Variants in ABCG1 observed in about 807,000 individuals in gnomAD.
ABCG1 encodes ATP binding cassette subfamily G member 1, also known as ATP-binding cassette sub-family G member 1.
A neutral mutation model predicts 69.2 loss-of-function variants in ABCG1; 29 were observed. The ratio of observed to expected loss-of-function variants is 0.42; its 90% CI spans 0.31 to 0.57. The LOEUF (loss-of-function observed/expected upper bound fraction) is 0.57. Among genes scored for constraint, ABCG1 ranks in the 20% least tolerant of loss-of-function variants. ABCG1 has a pLI of 0.15. For synonymous variants in ABCG1, 370 were observed against 374.8 expected (o/e 0.99, Z 0.15); for missense variants, 718 against 898.1 (o/e 0.80, Z 2.56).
At chr21:42,252,911 G>T (rs1399249290) in intron 2 of ABCG1, among the ~76,000 whole-genome samples, 2 of 152,202 alleles carry the variant, frequency 1.3e-5, no homozygotes, top group African/African-American at 2.4e-5. Flanking sequence ...AGGTTCTGGT[G>T]CTGGGGAAGC....
At chr21:42,283,537 T>C (rs1307961945) in intron 6 of ABCG1, among the ~76,000 whole-genome samples, 1 of 152,148 alleles carries the variant, frequency 6.6e-6, no homozygotes, top group Non-Finnish European at 1.5e-5. Context: ...GGCCACCTTC[T>C]ATGGGGTGAT....
chr21:42,264,556 G>A (rs1797876413), intron 2 of ABCG1, among the ~76,000 whole-genome samples: 1 of 150,826 alleles, frequency 6.6e-6, no homozygotes, highest in South Asian at 2.1e-4. Context: ...CATCCATTCA[G>A]CGACACTTGA....
chr21:42,259,954 G>A (rs1384787219), intron 2 of ABCG1: 1 of 1,488,604 alleles, frequency 6.7e-7, no homozygotes, highest in Non-Finnish European at 8.9e-7. Flanking sequence ...CGGTGGTGTT[G>A]GCTTGCTCTT....
chr21:42,244,378 G>A (rs1231319620), intron 2 of ABCG1, among the ~76,000 whole-genome samples: 5 of 152,178 alleles, frequency 3.3e-5, no homozygotes, highest in Non-Finnish European at 7.3e-5. Context: ...GATCCTAACA[G>A]AAGAAGGTCG....
At chr21:42,241,530 G>C (rs1009091840) in intron 2 of ABCG1, among the ~76,000 whole-genome samples, 3 of 151,514 alleles carry the variant, frequency 2.0e-5, no homozygotes, top group African/African-American at 7.3e-5. Flanking sequence ...ACTTGAACCC[G>C]AGAGGCAGAG....
chr21:42,249,797 G>C (rs1421742659), intron 2 of ABCG1, among the ~76,000 whole-genome samples: 2 of 152,120 alleles, frequency 1.3e-5, no homozygotes, highest in Non-Finnish European at 2.9e-5. Flanking sequence ...CCAGGGTCAG[G>C]AGTTTGAGAC....
intron 8 of ABCG1, 72 bp downstream of exon 8, chr21:42,286,066 G>C (rs2068934945): frequency 2.9e-6 from 3 of 1,033,824 alleles, no homozygotes; most frequent in Non-Finnish European, 4.5e-6. Flanking sequence ...ACTTTTAGCT[G>C]ACGCCCCCAA....
intron 2 of ABCG1, among the ~76,000 whole-genome samples, chr21:42,205,814 G>A (rs570926443): frequency 6.6e-6 from 1 of 152,092 alleles, no homozygotes; most frequent in Non-Finnish European, 1.5e-5. Context: ...CAATGTATAT[G>A]AATTCAGTGC....
rs991719391 is a variant in ABCG1, at chr21:42,296,173, C to T, written c.1782C>T (p.Phe594=). ...TGGCCTTTCCTCCTAGGTATGGGTT[C>T]GAAGGGGTCATCCTCTCCATCTATG... is the stretch of plus-strand genomic sequence containing the variant. ...MSYISYVRYG[F]EGVILSIYGL... The change falls in exon 15 of 15, where the codon TTC becomes TTT. Residue 594 remains phenylalanine, a synonymous_variant. Transcript: ENST00000398449. This position sits in a 1 kb window ranked among gnomAD's most constrained non-coding sequence, Gnocchi z 5.4. 15 of 1,613,752 alleles carry T rather than the reference C, an allele frequency of 9.3e-6. No individual in the cohort carries two copies. The highest frequency in any genetic ancestry group is 1.7e-5 in the Admixed American group (1 of 59,978).
intron 2 of ABCG1, among the ~76,000 whole-genome samples, chr21:42,253,763 A>G (rs950329926): frequency 1.3e-5 from 2 of 152,024 alleles, no homozygotes; most frequent in African/African-American, 2.4e-5. Flanking sequence ...AGATCGATGG[A>G]CCTGCCAGCT....
In ABCG1 at chr21:42,267,297, G is replaced by C. The variant is rs145868197; in HGVS notation, c.287-3773G>C. Among the ~76,000 whole-genome samples the C allele has an allele frequency of 7.1e-3, 1,085 of 152,200 alleles. 14 individuals carry two copies. Among genetic ancestry groups the C allele is most frequent in the African/African-American group, 0.022 (919 of 41,504 alleles). On this transcript the variant is annotated intron_variant, in intron 2 of 14. Coordinates refer to ENST00000398449, the MANE Select transcript of ABCG1 (RefSeq NM_016818.3). ...CTGGTTTGGGTTCTGTCTGGGTTCT[G>C]TCTAGGTCTAATCTGGGTTCTCTCT...
rs376647879 is a variant in ABCG1 at position 42,287,860 on chromosome 21, G to A, written c.974-29G>A. The A allele has an allele frequency of 1.1e-4, 161 of 1,532,064 alleles. 1 individual carries two copies. The South Asian group carries it at 1.2e-3, about 11-fold the overall frequency. 94.9% of individuals were successfully genotyped at this position (1,532,064 alleles called of 1,614,324 possible). A position where few individuals can be genotyped will look rare whatever the true frequency, so the allele number is the denominator to read the frequency against. On this transcript the variant is annotated intron_variant, in intron 8 of 14. Coordinates refer to ENST00000398449, the MANE Select transcript of ABCG1 (RefSeq NM_016818.3). This position sits in a 1 kb window ranked among gnomAD's most constrained non-coding sequence, Gnocchi z 6.2. ...GGTTGGGGTGTCCTTCCTGGAGCCC[G>A]GGCTGACCCCCGTCTGTGTCTCCTG...
chr21:42,238,614 A>G (rs1044507803), intron 2 of ABCG1, among the ~76,000 whole-genome samples: 2 of 152,224 alleles, frequency 1.3e-5, no homozygotes, highest in Non-Finnish European at 2.9e-5. Flanking sequence ...CAGTATCTAC[A>G]TTTGTGAGTT....
At chr21:42,256,915 C>T (rs149156589) in intron 2 of ABCG1, among the ~76,000 whole-genome samples, 4 of 152,324 alleles carry the variant, frequency 2.6e-5, no homozygotes, top group South Asian at 2.1e-4. Flanking sequence ...CCCCTCTTGC[C>T]GTCCTTCTCA....
intron 1 of ABCG1, among the ~76,000 whole-genome samples, chr21:42,222,378 C>T (rs1299684118): frequency 6.6e-6 from 1 of 152,096 alleles, no homozygotes; most frequent in Non-Finnish European, 1.5e-5. Flanking sequence ...GAAAGGTGGT[C>T]AACTGTATGC....
At chr21:42,290,840 C>T (rs2069043233) in intron 11 of ABCG1, among the ~76,000 whole-genome samples, 1 of 152,212 alleles carries the variant, frequency 6.6e-6, no homozygotes, top group South Asian at 2.1e-4. Flanking sequence ...TCCTTGCCTT[C>T]ATCACTAAGA....
At position 42,219,219 on chromosome 21, in the gene ABCG1, G is replaced by GT. The variant is rs2067680142; in HGVS notation, c.-43dup. 7.4e-6 allele frequency: 11 copies of GT among 1,479,594 alleles called. No homozygotes were observed. Among genetic ancestry groups the GT allele is most frequent in the Middle Eastern group, 1.8e-4 (1 of 5,566 alleles). 91.7% of individuals were successfully genotyped at this position (1,479,594 alleles called of 1,614,324 possible). A position where few individuals can be genotyped will look rare whatever the true frequency, so the allele number is the denominator to read the frequency against. On this transcript the variant is annotated 5_prime_UTR_variant, in exon 1 of 15. Coordinates refer to ENST00000398449, the MANE Select transcript of ABCG1 (RefSeq NM_016818.3). This position sits in a 1 kb window ranked among gnomAD's most constrained non-coding sequence, Gnocchi z 5.3. ...GCCTCGGCCCCGCAGCTCAAGCCTC[G>GT]TCCCCGCCGCCGCCGCCGCCGCCGC...
chr21:42,216,636 A>G (rs1160591803), upstream of ABCG1, among the ~76,000 whole-genome samples: 2 of 152,194 alleles, frequency 1.3e-5, no homozygotes, highest in Non-Finnish European at 2.9e-5. Flanking sequence ...AGAGCCGTGG[A>G]GACAGCAAGA....
At chr21:42,290,243 T>C (rs1280290455) in intron 11 of ABCG1, 25 bp downstream of exon 11, 2 of 1,601,756 alleles carry the variant, frequency 1.2e-6, no homozygotes, top group Non-Finnish European at 1.7e-6. Context: ...GCTGACCCCT[T>C]CTTCCTTATT....
Sources: allele counts gnomAD v4.1 joint callset (sites outside exome capture counted in the v4.1 genomes callset), GRCh38; gene constraint gnomAD v4.1.1; non-coding constraint Gnocchi (gnomAD v3.1); transcripts MANE v1.5; gene names NCBI Gene and HGNC (gene_info 2026-07-23, HGNC 2026-07-21).